Variants in LRRK1 observed in about 807,000 individuals in gnomAD.
LRRK1 encodes leucine rich repeat kinase 1.
A neutral mutation model predicts 209.1 loss-of-function variants in LRRK1; 113 were observed. That is an observed-to-expected ratio of 0.54 (90% CI 0.46 to 0.63). LRRK1 has a LOEUF of 0.63. Among genes scored for constraint, LRRK1 ranks in the 30% least tolerant of loss-of-function variants. The probability of loss-of-function intolerance (pLI) is 0.00; values close to 1 mark genes in which losing one functional copy is unlikely to be tolerated. For missense variants in LRRK1, 2,284 were observed against 2,632.2 expected, an observed-to-expected ratio of 0.87 and a Z score of 2.89; for synonymous variants, 1,144 against 1,099.7, an observed-to-expected ratio of 1.04 and a Z score of -0.80.
At chr15:100,953,236 C>T (rs1280158952) in intron 2 of LRRK1, among the ~76,000 whole-genome samples, 1 of 152,156 alleles carries the variant, frequency 6.6e-6, no homozygotes, top group Non-Finnish European at 1.5e-5. Context: ...CCCGAACTTA[C>T]TCATCTTATA....
chr15:100,950,915 A>C (rs188282457), intron 2 of LRRK1, among the ~76,000 whole-genome samples: 1,978 of 152,226 alleles, frequency 0.013, 19 homozygotes, highest in Non-Finnish European at 0.02. Flanking sequence ...CATCCTGGCT[A>C]ACACGGTGAA....
chr15:101,032,805 G>T (rs1585061), intron 20 of LRRK1, among the ~76,000 whole-genome samples: 147,059 of 152,318 alleles, frequency 0.97, 71,193 homozygotes, highest in East Asian at 1. Context: ...AAAAATCAGT[G>T]ATGTGGGTTT....
At chr15:101,019,421 G>A (rs1057449742) in intron 12 of LRRK1, among the ~76,000 whole-genome samples, 5 of 152,128 alleles carry the variant, frequency 3.3e-5, no homozygotes, top group Non-Finnish European at 7.3e-5. Flanking sequence ...ACCTAGCAAG[G>A]ACTCATACAA....
chr15:101,047,806 C>G (rs748270924), intron 21 of LRRK1, among the ~76,000 whole-genome samples: 1 of 152,180 alleles, frequency 6.6e-6, no homozygotes, highest in Non-Finnish European at 1.5e-5. Context: ...GACCCTTCGA[C>G]CAATAATCCG....
chr15:101,027,302 G>A lies in LRRK1; in HGVS notation c.2447G>A (p.Arg816Gln), dbSNP rs762111517. 19 of 1,614,008 alleles carry A rather than the reference G, an allele frequency of 1.2e-5. No homozygotes were observed. Among genetic ancestry groups the A allele is most frequent in the Admixed American group, 1.7e-5 (1 of 60,000 alleles). Reference sequence around the variant, plus strand: ...AGCCTGGAAGGTCAGGAAGGGCTGCGACAGCTGATTTTCCACGTCACGTGC... The same window carrying A: ...AGCCTGGAAGGTCAGGAAGGGCTGCAACAGCTGATTTTCCACGTCACGTGC... ...CKSLEGQEGL[R>Q]QLIFHVTCSM... The change falls in exon 18 of 34, where the codon CGA becomes CAA. Residue 816 changes from arginine (R) to glutamine (Q), a missense_variant. Arg to Gln is a conservative substitution (Grantham distance 43, BLOSUM62 1). Coordinates refer to ENST00000388948, the MANE Select transcript of LRRK1 (RefSeq NM_024652.6). The surrounding 1 kb of genome is among the most constrained non-coding windows in gnomAD (Gnocchi z 5.1).
chr15:101,062,245 C>A (rs137871596), intron 30 of LRRK1: 3 of 249,364 alleles, frequency 1.2e-5, no homozygotes, highest in African/African-American at 4.5e-5. Flanking sequence ...GACAGCATTG[C>A]GGCGTGAGTC....
intron 20 of LRRK1, among the ~76,000 whole-genome samples, chr15:101,033,269 T>C (rs114381058): frequency 0.016 from 2,456 of 152,310 alleles, 50 homozygotes; most frequent in Middle Eastern, 0.037. Flanking sequence ...ATCCTTTCTA[T>C]GTGTTGGTAT....
intron 6 of LRRK1, among the ~76,000 whole-genome samples, chr15:100,995,738 A>G (rs1162531014): frequency 2.6e-5 from 4 of 152,232 alleles, no homozygotes; most frequent in African/African-American, 4.8e-5. Context: ...CCTGTTCAGC[A>G]GTTAGAGGGC....
intron 1 of LRRK1, among the ~76,000 whole-genome samples, chr15:100,920,985 C>T (rs1162646780): frequency 6.6e-6 from 1 of 152,208 alleles, no homozygotes; most frequent in South Asian, 2.1e-4. Context: ...ACTCTTCACA[C>T]AGCCTCAGAA....
intron 9 of LRRK1, among the ~76,000 whole-genome samples, chr15:101,011,232 G>A (rs149346787): frequency 1.8e-3 from 280 of 152,146 alleles, no homozygotes; most frequent in African/African-American, 6.4e-3. Flanking sequence ...ACTTTGGGAG[G>A]CCAAGGTAGG....
chr15:101,043,630 T>TGTGTG, intron 20 of LRRK1: 1 of 116,726 alleles, frequency 8.6e-6, no homozygotes, highest in East Asian at 2.6e-4. Context: ...GTGTGTGTGT[T>TGTGTG]GGCCTGAACA....
intron 2 of LRRK1, among the ~76,000 whole-genome samples, chr15:100,949,786 A>T (rs74703310): frequency 6.6e-6 from 1 of 152,138 alleles, no homozygotes; most frequent in Admixed American, 6.6e-5. Context: ...CAATAGACAC[A>T]GAAAAGCATT....
intron 30 of LRRK1, among the ~76,000 whole-genome samples, chr15:101,061,578 G>A (rs529707483): frequency 7.9e-5 from 12 of 152,332 alleles, no homozygotes; most frequent in South Asian, 4.1e-4. Context: ...GGCTAGGGAC[G>A]TGCCTGTGTT....
chr15:101,041,164 A>T (rs973348273), intron 20 of LRRK1, among the ~76,000 whole-genome samples: 108 of 151,968 alleles, frequency 7.1e-4, no homozygotes, highest in African/African-American at 2.4e-3. Context: ...CACTGGTAAT[A>T]CTCCTTTTCT....
chr15:100,948,070 C>A (rs1006527506), intron 2 of LRRK1, among the ~76,000 whole-genome samples: 1 of 152,224 alleles, frequency 6.6e-6, no homozygotes, highest in South Asian at 2.1e-4. Flanking sequence ...TTGCCCAGCT[C>A]TTCCCAAAAA....
Position 101,015,346 on chromosome 15 carries a change from C to T in LRRK1, c.1553C>T (p.Thr518Met), listed in dbSNP as rs1365834896. Residue 518 changes from threonine (T) to methionine (M), a missense_variant, in exon 12 of 34, where the codon ACG becomes ATG. Transcript: ENST00000388948. ...QLGKNEDGLK[T>M]KRIAFFTTRG... Reference sequence around the variant, plus strand: ...CCCAGAAATGAAGATGGACTGAAAACGAAGCGTATTGCCTTTTTCACCACC... The same window carrying T: ...CCCAGAAATGAAGATGGACTGAAAATGAAGCGTATTGCCTTTTTCACCACC... 10 of 1,613,748 alleles carry T rather than the reference C, an allele frequency of 6.2e-6. No homozygotes were observed. The Middle Eastern group carries it at 4.9e-4, about 80-fold the overall frequency.
At chr15:100,923,125 T>C (rs78342571) in intron 1 of LRRK1, among the ~76,000 whole-genome samples, 1,870 of 152,292 alleles carry the variant, frequency 0.012, 42 homozygotes, top group African/African-American at 0.043. Flanking sequence ...GTCTGTGCGC[T>C]GGTACTACAG....
chr15:100,996,866 T>G (rs1219029275), intron 6 of LRRK1, among the ~76,000 whole-genome samples: 3 of 152,114 alleles, frequency 2.0e-5, no homozygotes, highest in Non-Finnish European at 4.4e-5. Flanking sequence ...AGAAAAACTA[T>G]TATTTGAACT....
In LRRK1 at chr15:101,074,010, C is replaced by T. The variant is rs1004160255; in HGVS notation, c.*5162C>T. On this transcript the variant is annotated 3_prime_UTR_variant, in exon 34 of 34. Coordinates refer to ENST00000388948, the MANE Select transcript of LRRK1 (RefSeq NM_024652.6). Reference sequence around the variant, plus strand: ...CCTGCAAGATCTAAATAATTCTTGTCGTAAAATGGGCAAATGGTCTGAGGT... The same window carrying T: ...CCTGCAAGATCTAAATAATTCTTGTTGTAAAATGGGCAAATGGTCTGAGGT... 5.3e-5 allele frequency: 8 copies of T among 152,100 alleles called. No individual in the cohort carries two copies. Among genetic ancestry groups the T allele is most frequent in the South Asian group, 2.1e-4 (1 of 4,826 alleles). The allele number at this position is 152,100 out of a possible 1,614,324, so 9.4% of individuals were successfully genotyped here. A position where few individuals can be genotyped will look rare whatever the true frequency, so the allele number is the denominator to read the frequency against.
Sources: allele counts gnomAD v4.1 joint callset (sites outside exome capture counted in the v4.1 genomes callset), GRCh38; gene constraint gnomAD v4.1.1; non-coding constraint Gnocchi (gnomAD v3.1); transcripts MANE v1.5; gene names NCBI Gene and HGNC (gene_info 2026-07-23, HGNC 2026-07-21).